CDC40: variants seen among roughly 807,000 people sequenced by gnomAD.
The protein encoded by CDC40 is cell division cycle 40.
Under a neutral mutation model 80.6 loss-of-function variants are expected in CDC40, and 27 were observed. The ratio of observed to expected loss-of-function variants is 0.33; its 90% CI spans 0.25 to 0.46. CDC40 has a LOEUF of 0.46. CDC40 is among the 20% of genes least tolerant of loss of function. The pLI, the probability that CDC40 is intolerant of heterozygous loss-of-function variation, is 1.00. For missense variants in CDC40, 486 were observed against 694.1 expected (o/e 0.70, Z 3.37); for synonymous variants, 221 against 232.6 (o/e 0.95, Z 0.45).
chr6:110,224,302 T>C lies in CDC40; in HGVS notation c.1341-1865T>C, dbSNP rs1777822715. 3 of 152,316 alleles carry C rather than the reference T, an allele frequency of 2.0e-5. No homozygotes were observed. The South Asian group carries it at 6.2e-4, about 32-fold the overall frequency. 9.4% of individuals were successfully genotyped at this position (152,316 alleles called of 1,614,324 possible). A position where few individuals can be genotyped will look rare whatever the true frequency, so the allele number is the denominator to read the frequency against. Reference sequence around the variant, plus strand: ...TTTTTTCGTGAATTCATTTTTAAACTGGAGATTATTTGCAAGATATGAGTT... The same window carrying C: ...TTTTTTCGTGAATTCATTTTTAAACCGGAGATTATTTGCAAGATATGAGTT... On this transcript the variant is annotated intron_variant, in intron 12 of 14. Coordinates refer to ENST00000307731, the MANE Select transcript of CDC40 (RefSeq NM_015891.3).
At chr6:110,187,169 G>A (rs1246942491) in intron 1 of CDC40, among the ~76,000 whole-genome samples, 2 of 152,084 alleles carry the variant, frequency 1.3e-5, no homozygotes, top group East Asian at 1.9e-4. Flanking sequence ...TAGTAGAGAC[G>A]GGGTTTCACC....
chr6:110,220,911 A>G (rs1047191249), intron 12 of CDC40, among the ~76,000 whole-genome samples: 3 of 152,180 alleles, frequency 2.0e-5, no homozygotes, highest in South Asian at 2.1e-4. Flanking sequence ...TCCCTCCCAC[A>G]ATACATGGGA....
Position 110,213,395 on chromosome 6 carries a change from G to T in CDC40, c.942+235G>T, listed in dbSNP as rs867563424. The stretch of plus-strand genomic sequence containing the variant: ...TGTTGTTTTTGTTTTTTGTTTTTTT[G>T]TTTTTTTTTTTTGAGATGGAGTCTT... On this transcript the variant is annotated intron_variant, in intron 8 of 14. Transcript: ENST00000307731. Among the ~76,000 whole-genome samples, 504 of 135,026 alleles carry T rather than the reference G, an allele frequency of 3.7e-3. 3 individuals are homozygous for T. The highest frequency in any genetic ancestry group is 0.014 in the African/African-American group (478 of 33,548). 88.6% of individuals were successfully genotyped at this position (135,026 alleles called of 152,430 possible).
At chr6:110,190,618 G>A (rs1291271902) in intron 1 of CDC40, among the ~76,000 whole-genome samples, 1 of 152,186 alleles carries the variant, frequency 6.6e-6, no homozygotes, top group African/African-American at 2.4e-5. Flanking sequence ...GTAAGCAGTT[G>A]GATATGTGGA....
At position 110,204,159 on chromosome 6, in the gene CDC40, A is replaced by G. The variant is rs1483219518; in HGVS notation, c.406+2472A>G. Among the ~76,000 whole-genome samples the G allele has an allele frequency of 3.3e-5, 5 of 151,892 alleles. No homozygotes were observed. In the South Asian group the frequency reaches 6.3e-4, roughly 19 times the overall value. Reference sequence around the variant, plus strand: ...CTCCCTAGTAGCTGGGACTACAGGCACCCGCCACCACGCCTGGCTAATTTT... The same window carrying G: ...CTCCCTAGTAGCTGGGACTACAGGCGCCCGCCACCACGCCTGGCTAATTTT... On this transcript the variant is annotated intron_variant, in intron 3 of 14. Transcript: ENST00000307731.
intron 1 of CDC40, among the ~76,000 whole-genome samples, chr6:110,192,517 A>G (rs1227717053): frequency 6.6e-6 from 1 of 152,172 alleles, no homozygotes; most frequent in East Asian, 1.9e-4. Flanking sequence ...TCCTGGGAGA[A>G]GAGATGTCAG....
chr6:110,197,389 A>C (rs530009535), intron 2 of CDC40, among the ~76,000 whole-genome samples: 1 of 152,348 alleles, frequency 6.6e-6, no homozygotes, highest in African/African-American at 2.4e-5. Context: ...TGGCTAAATC[A>C]AGCTAATTAA....
chr6:110,229,898 G>A (rs1254543207), intron 14 of CDC40, 56 bp from the exon 15 acceptor site: 23 of 1,193,332 alleles, frequency 1.9e-5, no homozygotes, highest in Non-Finnish European at 2.6e-5. Context: ...TTCCTCATTC[G>A]CCTTACCAAT....
intron 8 of CDC40, among the ~76,000 whole-genome samples, chr6:110,213,395 G>GT (rs567826733): frequency 0.017 from 2,324 of 134,982 alleles, 64 homozygotes; most frequent in South Asian, 0.095. Context: ...TTGTTTTTTT[G>GT]TTTTTTTTTT....
Position 110,226,256 on chromosome 6 carries a change from G to A in CDC40, c.1417+13G>A. The A allele has an allele frequency of 1.3e-6, 2 of 1,520,044 alleles. No individual in the cohort carries two copies. The highest frequency in any genetic ancestry group is 1.8e-6 in the Non-Finnish European group (2 of 1,098,084). 94.2% of individuals were successfully genotyped at this position (1,520,044 alleles called of 1,614,324 possible). A position where few individuals can be genotyped will look rare whatever the true frequency, so the allele number is the denominator to read the frequency against. ...TTGTCTCCAAATGGTGAGTTAGTAT[G>A]TAGATTGTATTTTTAAATGAGCTTC... On this transcript the variant is annotated intron_variant, in intron 13 of 14. Transcript: ENST00000307731.
chr6:110,204,400 A>G (rs1777535026), intron 3 of CDC40, among the ~76,000 whole-genome samples: 1 of 152,122 alleles, frequency 6.6e-6, no homozygotes, highest in South Asian at 2.1e-4. Flanking sequence ...TTTAGATTTC[A>G]GTTTGATTCC....
chr6:110,193,329 T>A (rs2114651600), intron 2 of CDC40, 61 bp downstream of exon 2: 2 of 946,006 alleles, frequency 2.1e-6, no homozygotes, highest in East Asian at 4.8e-5. Flanking sequence ...AGTAGATAAT[T>A]AGGTGCAGCA....
chr6:110,202,233 T>G (rs1375265226), intron 3 of CDC40, among the ~76,000 whole-genome samples: 1 of 152,198 alleles, frequency 6.6e-6, no homozygotes, highest in Non-Finnish European at 1.5e-5. Flanking sequence ...AGGATTATCA[T>G]GTATTAGATC....
At chr6:110,190,960 G>A (rs1777339477) in intron 1 of CDC40, among the ~76,000 whole-genome samples, 1 of 152,152 alleles carries the variant, frequency 6.6e-6, no homozygotes, top group Admixed American at 6.5e-5. Flanking sequence ...TCATCGTTAG[G>A]TGTGATTAAG....
intron 10 of CDC40, 127 bp downstream of exon 10, chr6:110,217,930 G>A: frequency 1.8e-6 from 1 of 540,558 alleles, no homozygotes; most frequent in Non-Finnish European, 3.3e-6. Flanking sequence ...TTCACTGTCA[G>A]CAAATATCAC....
chr6:110,197,489 A>C (rs1002110770), intron 2 of CDC40, among the ~76,000 whole-genome samples: 1 of 152,192 alleles, frequency 6.6e-6, no homozygotes, highest in Non-Finnish European at 1.5e-5. Context: ...ATTGTTATTA[A>C]CTGTAGTCAC....
At chr6:110,185,241 C>CTTTTTT (rs1227694611) in intron 1 of CDC40, among the ~76,000 whole-genome samples, 6 of 124,018 alleles carry the variant, frequency 4.8e-5, no homozygotes, top group African/African-American at 1.3e-4. Context: ...ATCTTTTTTT[C>CTTTTTT]TTTTTTTTTT....
chr6:110,200,209 G>A (rs1326873660), intron 2 of CDC40, among the ~76,000 whole-genome samples: 1 of 152,160 alleles, frequency 6.6e-6, no homozygotes, highest in African/African-American at 2.4e-5. Context: ...TAGGAATGTT[G>A]TAGCAATTTA....
Position 110,226,148 on chromosome 6 carries a change from T to C in CDC40, c.1341-19T>C, listed in dbSNP as rs752037199. The C allele has an allele frequency of 4.1e-6, 6 of 1,450,184 alleles. No homozygotes were observed. The South Asian group carries it at 4.6e-5, about 11-fold the overall frequency. The allele number at this position is 1,450,184 out of a possible 1,614,324, so 89.8% of individuals were successfully genotyped here. ...TTTTTAAAAGTTGCTTATTCTGATATGCTATTTAAAATTTTTAGGGATATC... is the reference window on the plus strand; with the variant it reads ...TTTTTAAAAGTTGCTTATTCTGATACGCTATTTAAAATTTTTAGGGATATC... On this transcript the variant is annotated intron_variant, in intron 12 of 14. Transcript: ENST00000307731.
Sources: allele counts gnomAD v4.1 joint callset (sites outside exome capture counted in the v4.1 genomes callset), GRCh38; gene constraint gnomAD v4.1.1; transcripts MANE v1.5; gene names NCBI Gene and HGNC (gene_info 2026-07-23, HGNC 2026-07-21).